Variants in MUC5AC observed in about 807,000 individuals in gnomAD.
MUC5AC encodes mucin 5AC, oligomeric mucus/gel-forming.
Under a neutral mutation model 169.7 loss-of-function variants are expected in MUC5AC, and 158 were observed. That is an observed-to-expected ratio of 0.93 (90% CI 0.82 to 1.06). The LOEUF (loss-of-function observed/expected upper bound fraction) is 1.06. Among genes scored for constraint, MUC5AC ranks in the 50% least tolerant of loss-of-function variants. MUC5AC has a pLI of 0.00. For missense variants in MUC5AC, 4,359 were observed against 3,089.9 expected (o/e 1.41, Z -9.74); for synonymous variants, 1,975 against 1,237.0 (o/e 1.60, Z -12.52).
At chr11:1,194,978 G>A (rs747634549) in intron 35 of MUC5AC, 34 bp from the exon 36 acceptor site, 6 of 694,098 alleles carry the variant, frequency 8.6e-6, no homozygotes, top group South Asian at 6.0e-5. Context: ...CGGCTCTGCT[G>A]TCCAGCAGCC....
chr11:1,173,278 TACTC>T (rs1242996326), intron 16 of MUC5AC, among the ~76,000 whole-genome samples: 24 of 126,534 alleles, frequency 1.9e-4, no homozygotes, highest in Admixed American at 4.0e-4. Flanking sequence ...ACTTATTCAT[TACTC>T]ACTCACTCAT....
chr11:1,160,765 CACTGGT>C, intron 2 of MUC5AC, 76 bp downstream of exon 2: 3 of 1,455,540 alleles, frequency 2.1e-6, no homozygotes, highest in Non-Finnish European at 2.8e-6. Flanking sequence ...CCCCTAGGGC[CACTGGT>C]CTTAGGGTGG....
chr11:1,198,819 G>A, intron 43 of MUC5AC, 55 bp from the exon 44 acceptor site: 1 of 687,488 alleles, frequency 1.5e-6, no homozygotes, highest in Admixed American at 2.0e-5. Context: ...GGAGGCAGGG[G>A]CGGGTCTCCC....
chr11:1,196,731 C>G lies in MUC5AC; in HGVS notation c.15829+11C>G, dbSNP rs750058592. 1 of 748,700 alleles carries G rather than the reference C, an allele frequency of 1.3e-6. No homozygotes were observed. The highest frequency in any genetic ancestry group is 2.4e-6 in the Non-Finnish European group (1 of 410,414). The allele number at this position is 748,700 out of a possible 1,614,324, so 46.4% of individuals were successfully genotyped here. A position where few individuals can be genotyped will look rare whatever the true frequency, so the allele number is the denominator to read the frequency against. ...CCACGGGCTGCCCCAGTACGTGCCC[C>G]AGGCCGGGGCTGGGGGGTGTGGCAG... On this transcript the variant is annotated intron_variant, in intron 39 of 48. Coordinates refer to ENST00000621226, the MANE Select transcript of MUC5AC (RefSeq NM_001304359.2).
rs368614487 is a variant in MUC5AC, at chr11:1,192,934, C to T, written c.14532C>T (p.Ser4844=). ...APATSPSIST[S]EPVTELGCPN... is the part of the protein sequence containing the mutation. Reference sequence around the variant, plus strand: ...CCACGTCCCCTTCAATATCCACCTCCGAGCCCGTCACTGAGCTGGGATGCC... The same window carrying T: ...CCACGTCCCCTTCAATATCCACCTCTGAGCCCGTCACTGAGCTGGGATGCC... Residue 4844 remains serine (S), a synonymous_variant, in exon 32 of 49, where the codon TCC becomes TCT. Transcript: ENST00000621226. 6.4e-5 allele frequency: 48 copies of T among 754,458 alleles called. No individual in the cohort carries two copies. The highest frequency in any genetic ancestry group is 5.7e-4 in the South Asian group (42 of 73,156). 46.7% of individuals were successfully genotyped at this position (754,458 alleles called of 1,614,324 possible). A position where few individuals can be genotyped will look rare whatever the true frequency, so the allele number is the denominator to read the frequency against.
rs1260656656 is a variant in MUC5AC, at chr11:1,188,823, C to A, written c.10678C>A (p.Arg3560=). 1.3e-6 allele frequency: 1 copy of A among 757,470 alleles called. No individual in the cohort carries two copies. The allele number at this position is 757,470 out of a possible 1,614,324, so 46.9% of individuals were successfully genotyped here. A position where few individuals can be genotyped will look rare whatever the true frequency, so the allele number is the denominator to read the frequency against. Reference sequence around the variant, plus strand: ...CAGGAGTGGGGAAAAAATCTGCCGCCGACCTGAGGAGATCACCAGGCTCCA... The same window carrying A: ...CAGGAGTGGGGAAAAAATCTGCCGCAGACCTGAGGAGATCACCAGGCTCCA... ...IIRSGEKICR[R]PEEITRLQCR... Residue 3560 remains arginine, a synonymous_variant, in exon 31 of 49, where the codon CGA becomes AGA. Coordinates refer to ENST00000621226, the MANE Select transcript of MUC5AC (RefSeq NM_001304359.2).
At position 1,197,523 on chromosome 11, in the gene MUC5AC, G is replaced by T. The variant is rs765964234; in HGVS notation, c.15917G>T (p.Trp5306Leu). ...GAGTGCACGTGTGAGGCGGCCACGTGGACGCTGACCTGCCGACCCAAGCTC... is the reference window on the plus strand; with the variant it reads ...GAGTGCACGTGTGAGGCGGCCACGTTGACGCTGACCTGCCGACCCAAGCTC... Reference protein sequence around the residue: ...CQECTCEAATWTLTCRPKLCP... With the variant: ...CQECTCEAATLTLTCRPKLCP... Residue 5306 changes from tryptophan (W) to leucine (L), a missense_variant, in exon 41 of 49, where the codon TGG becomes TTG. Transcript: ENST00000621226. The T allele has an allele frequency of 4.2e-6, 3 of 716,696 alleles. No individual in the cohort carries two copies. The highest frequency in any genetic ancestry group is 5.1e-6 in the Non-Finnish European group (2 of 394,618). The allele number at this position is 716,696 out of a possible 1,614,324, so 44.4% of individuals were successfully genotyped here. A position where few individuals can be genotyped will look rare whatever the true frequency, so the allele number is the denominator to read the frequency against.
rs1387726236 is a variant in MUC5AC, at chr11:1,189,353, A to G, written c.11208A>G (p.Thr3736=). The G allele has an allele frequency of 8.1e-4, 458 of 567,936 alleles. No individual in the cohort carries two copies. In the East Asian group the frequency reaches 0.012, roughly 15 times the overall value. The allele number at this position is 567,936 out of a possible 1,614,324, so 35.2% of individuals were successfully genotyped here. A position where few individuals can be genotyped will look rare whatever the true frequency, so the allele number is the denominator to read the frequency against. ...SSTTSAPTTS[T]ISAPTTSTIS... Reference sequence around the variant, plus strand: ...CAACCTCGGCTCCTACCACCAGCACAATCTCTGCCCCTACAACCAGCACAA... The same window carrying G: ...CAACCTCGGCTCCTACCACCAGCACGATCTCTGCCCCTACAACCAGCACAA... Residue 3736 remains threonine (T), a synonymous_variant, in exon 31 of 49, where the codon ACA becomes ACG. Coordinates refer to ENST00000621226, the MANE Select transcript of MUC5AC (RefSeq NM_001304359.2).
intron 24 of MUC5AC, among the ~76,000 whole-genome samples, chr11:1,178,099 T>A (rs1266483475): frequency 2.6e-5 from 4 of 152,188 alleles, no homozygotes; most frequent in Admixed American, 2.6e-4. Flanking sequence ...ACCCACTCAT[T>A]ACCTCAGTCT....
rs778940838 is a variant in MUC5AC, at chr11:1,194,502, A to G, written c.15022A>G (p.Lys5008Glu). 2.6e-6 allele frequency: 2 copies of G among 759,830 alleles called. No individual in the cohort carries two copies. The highest frequency in any genetic ancestry group is 2.7e-5 in the South Asian group (2 of 74,128). The allele number at this position is 759,830 out of a possible 1,614,324, so 47.1% of individuals were successfully genotyped here. A position where few individuals can be genotyped will look rare whatever the true frequency, so the allele number is the denominator to read the frequency against. The change falls in exon 35 of 49, where the codon AAG becomes GAG. Residue 5008 changes from lysine (K) to glutamate (E), a missense_variant. Lys to Glu is a moderately conservative substitution (Grantham distance 56). Coordinates refer to ENST00000621226, the MANE Select transcript of MUC5AC (RefSeq NM_001304359.2). ...CTGCGTCCAGATCATCTTCAACAAC[A>G]AGGTGGTCAGCCCCGGCTTCCGGAA... Reference protein sequence around the residue: ...VMTNEIIFNNKVVSPGFRKNG... With the variant: ...VMTNEIIFNNEVVSPGFRKNG...
chr11:1,198,348 A>C, intron 43 of MUC5AC, 43 bp downstream of exon 43: 1 of 724,234 alleles, frequency 1.4e-6, no homozygotes, highest in Non-Finnish European at 2.5e-6. Context: ...ATAGGGACGG[A>C]GCTTCCCACT....
chr11:1,192,647 A>C, intron 31 of MUC5AC, 122 bp downstream of exon 31: 1 of 691,712 alleles, frequency 1.4e-6, no homozygotes, highest in Admixed American at 2.0e-5. Flanking sequence ...TCATTGTCAC[A>C]GAGTGGCTGC....
chr11:1,186,082 C>T lies in MUC5AC; in HGVS notation c.7937C>T (p.Ser2646Phe). 1.3e-6 allele frequency: 1 copy of T among 746,656 alleles called. No individual in the cohort carries two copies. The highest frequency in any genetic ancestry group is 2.4e-6 in the Non-Finnish European group (1 of 408,686). The allele number at this position is 746,656 out of a possible 1,614,324, so 46.3% of individuals were successfully genotyped here. ...CCTGTTCCTACCGCCAGCACAACCT[C>T]TGCTTCTACAACTAGCACAACCTCT... ...PSPVPTASTTSASTTSTTSGP... is the reference protein window; with the variant it reads ...PSPVPTASTTFASTTSTTSGP... Residue 2646 changes from serine to phenylalanine, a missense_variant, in exon 31 of 49, where the codon TCT (serine) becomes TTT (phenylalanine). Physicochemically the swap from Ser to Phe is radical, Grantham distance 155 (BLOSUM62 -2). Coordinates refer to ENST00000621226, the MANE Select transcript of MUC5AC (RefSeq NM_001304359.2).
rs550505098 is a variant in MUC5AC at position 1,160,724 on chromosome 11, G to A, written c.151+35G>A. The A allele has an allele frequency of 2.8e-5, 44 of 1,584,304 alleles. No homozygotes were observed. The East Asian group carries it at 1.0e-3, about 36-fold the overall frequency. On this transcript the variant is annotated intron_variant, in intron 2 of 48. Transcript: ENST00000621226. ...AGTGTCCGGCCCCCACCCTAAGCCT[G>A]TCAGATTCCACCCTCCACCGTGTGG... is the stretch of plus-strand genomic sequence containing the variant.
intron 36 of MUC5AC, 80 bp downstream of exon 36, chr11:1,195,359 C>T (rs986887104): frequency 1.5e-5 from 11 of 720,332 alleles, no homozygotes; most frequent in South Asian, 8.7e-5. Context: ...GGGGAAGAAG[C>T]GCATTTTCAG....
chr11:1,191,914 G>A lies in MUC5AC; in HGVS notation c.13769G>A (p.Gly4590Glu), dbSNP rs1861120210. ...APTTSTTSGP[G>E]TTPSPVPTTS... ...ACAACCAGCACGACCTCTGGTCCTGGAACTACTCCCAGCCCCGTTCCCACC... is the reference window on the plus strand; with the variant it reads ...ACAACCAGCACGACCTCTGGTCCTGAAACTACTCCCAGCCCCGTTCCCACC... The change falls in exon 31 of 49, where the codon GGA becomes GAA. Residue 4590 changes from glycine (G) to glutamate (E), a missense_variant. Physicochemically the swap from Gly to Glu is moderately conservative, Grantham distance 98. Coordinates refer to ENST00000621226, the MANE Select transcript of MUC5AC (RefSeq NM_001304359.2). 1 of 764,692 alleles carries A rather than the reference G, an allele frequency of 1.3e-6. No homozygotes were observed. Among genetic ancestry groups the A allele is most frequent in the East Asian group, 2.4e-5 (1 of 41,216 alleles). The allele number at this position is 764,692 out of a possible 1,614,324, so 47.4% of individuals were successfully genotyped here. A position where few individuals can be genotyped will look rare whatever the true frequency, so the allele number is the denominator to read the frequency against.
chr11:1,170,486 C>T (rs1860476244), intron 15 of MUC5AC, among the ~76,000 whole-genome samples: 2 of 140,374 alleles, frequency 1.4e-5, no homozygotes, highest in Non-Finnish European at 1.6e-5. Flanking sequence ...CCCACTCACC[C>T]ACTCACTCAC....
At chr11:1,169,097 C>T in intron 15 of MUC5AC, 71 bp downstream of exon 15, 3 of 1,470,872 alleles carry the variant, frequency 2.0e-6, no homozygotes, top group Non-Finnish European at 9.0e-7. Flanking sequence ...TTTGGCACTG[C>T]AGGCAGCGAG....
In MUC5AC at chr11:1,189,019, C is replaced by A; in HGVS notation, c.10874C>A (p.Pro3625His). 1.5e-6 allele frequency: 1 copy of A among 671,070 alleles called. No individual in the cohort carries two copies. Among genetic ancestry groups the A allele is most frequent in the South Asian group, 1.7e-5 (1 of 59,976 alleles). 41.6% of individuals were successfully genotyped at this position (671,070 alleles called of 1,614,324 possible). The stretch of plus-strand genomic sequence containing the variant: ...TGCTGCGAGACCCCCAAAGGCTGCC[C>A]CGTGACCTCCACATCTGTGACAGCT... The part of the protein sequence containing the change: ...VLCCETPKGC[P>H]VTSTSVTAPS... The change falls in exon 31 of 49, where the codon CCC (proline) becomes CAC (histidine). Residue 3625 changes from proline to histidine, a missense_variant. By Grantham distance (77) the Pro-to-His change is moderately conservative. Transcript: ENST00000621226.
Sources: gnomAD v4.1 joint callset for allele counts (sites outside exome capture counted in the v4.1 genomes callset) on GRCh38, gnomAD v4.1.1 for gene constraint, MANE v1.5 for transcripts, NCBI Gene and HGNC (gene_info 2026-07-23, HGNC 2026-07-21) for gene names.